CFAP58: variants seen among roughly 807,000 people sequenced by gnomAD.
CFAP58 encodes the protein cilia- and flagella-associated protein 58.
A neutral mutation model predicts 119.5 loss-of-function variants in CFAP58; 88 were observed. That is an observed-to-expected ratio of 0.74 (90% CI 0.62 to 0.88). The LOEUF (loss-of-function observed/expected upper bound fraction) is 0.88, where lower values mean the gene tolerates loss of function less well. CFAP58 is among the 40% of genes least tolerant of loss of function. The pLI is 0.00. For missense variants in CFAP58, 990 were observed against 1,021.2 expected (o/e 0.97, Z 0.42); for synonymous variants, 365 against 366.3 (o/e 1.00, Z 0.04).
In CFAP58 at chr10:104,396,369, TGAGAGAGAGAGAGAGAGAGA is replaced by T. The variant is rs57210958; in HGVS notation, c.1675-2940_1675-2921del. On this transcript the variant is annotated intron_variant, in intron 11 of 17. Coordinates refer to ENST00000369704, the MANE Select transcript of CFAP58 (RefSeq NM_001008723.2). Reference sequence around the variant, plus strand: ...GCCATGGATAGGGAGCTGTTATCCATGAGAGAGAGAGAGAGAGAGAGAGAGAGAGAGAGAGAGAGAGAGAG... The same window carrying T: ...GCCATGGATAGGGAGCTGTTATCCATGAGAGAGAGAGAGAGAGAGAGAGAG... Among the ~76,000 whole-genome samples the T allele has an allele frequency of 4.4e-3, 384 of 86,834 alleles. 2 individuals carry two copies. Among genetic ancestry groups the T allele is most frequent in the South Asian group, 0.011 (24 of 2,126 alleles). 57.0% of individuals were successfully genotyped at this position (86,834 alleles called of 152,430 possible). A position where few individuals can be genotyped will look rare whatever the true frequency, so the allele number is the denominator to read the frequency against.
chr10:104,408,683 C>T (rs1006296986), intron 15 of CFAP58, among the ~76,000 whole-genome samples: 12 of 152,130 alleles, frequency 7.9e-5, no homozygotes, highest in African/African-American at 1.9e-4. Context: ...TTTATTATTT[C>T]CTTCCCTCTA....
At chr10:104,432,368 T>C (rs746225636) in intron 15 of CFAP58, among the ~76,000 whole-genome samples, 54 of 152,310 alleles carry the variant, frequency 3.5e-4, no homozygotes, top group Admixed American at 8.5e-4. Context: ...GTAGTGAACA[T>C]GTGAAAATAA....
In CFAP58 at chr10:104,399,370, A is replaced by G. The variant is rs1414045434; in HGVS notation, c.1685A>G (p.Gln562Arg). The G allele has an allele frequency of 1.2e-6, 2 of 1,613,808 alleles. No individual in the cohort carries two copies. Among genetic ancestry groups the G allele is most frequent in the Non-Finnish European group, 1.7e-6 (2 of 1,179,802 alleles). ...TCCACTCTTTGTCAGGCTGAGCTGC[A>G]GAAGCTGAGACAACAAGCCCTGGAG... Reference protein sequence around the residue: ...KEKETLKAELQKLRQQALETK... With the variant: ...KEKETLKAELRKLRQQALETK... The change falls in exon 12 of 18, where the codon CAG becomes CGG. Residue 562 changes from glutamine (Q) to arginine (R), a missense_variant. Transcript: ENST00000369704.
chr10:104,443,754 G>A (rs185206591), intron 15 of CFAP58, among the ~76,000 whole-genome samples: 7 of 152,266 alleles, frequency 4.6e-5, no homozygotes, highest in African/African-American at 1.7e-4. Context: ...TGTACCTGGA[G>A]TAGCACTGAC....
chr10:104,449,161 G>GT (rs35684849), intron 16 of CFAP58, among the ~76,000 whole-genome samples: 6,241 of 142,116 alleles, frequency 0.044, 376 homozygotes, highest in African/African-American at 0.13. Flanking sequence ...ACTGAGACAG[G>GT]TTTTTTTTTT....
At chr10:104,439,176 G>A (rs577862665) in intron 15 of CFAP58, among the ~76,000 whole-genome samples, 1 of 152,292 alleles carries the variant, frequency 6.6e-6, no homozygotes, top group South Asian at 2.1e-4. Flanking sequence ...GTTGGGGAAG[G>A]GAGTACGCAG....
rs75606581 is a variant in CFAP58 at position 104,420,692 on chromosome 10, G to T, written c.2256+13899G>T. 7.2e-3 allele frequency among the ~76,000 whole-genome samples: 1,083 copies of T among 151,236 alleles called. 14 individuals carry two copies. Among genetic ancestry groups the T allele is most frequent in the African/African-American group, 0.024 (991 of 41,216 alleles). The stretch of plus-strand genomic sequence containing the variant: ...GGTTTTCAAAAGGGGTATCTTGATT[G>T]ACTTCTTTCTCTACCCTTCCATTTT... On this transcript the variant is annotated intron_variant, in intron 15 of 17. Coordinates refer to ENST00000369704, the MANE Select transcript of CFAP58 (RefSeq NM_001008723.2).
chr10:104,382,636 G>A (rs2011836933), intron 9 of CFAP58, among the ~76,000 whole-genome samples: 2 of 152,214 alleles, frequency 1.3e-5, no homozygotes, highest in Non-Finnish European at 2.9e-5. Flanking sequence ...GGAGGGAGGT[G>A]ATTGGATCAT....
At chr10:104,441,447 G>A (rs370574315) in intron 15 of CFAP58, among the ~76,000 whole-genome samples, 3 of 152,168 alleles carry the variant, frequency 2.0e-5, no homozygotes, top group South Asian at 2.1e-4. Context: ...TTTAATATGT[G>A]CAAATTCTTC....
Position 104,365,806 on chromosome 10 carries a change from A to G in CFAP58, c.598-8A>G. On this transcript the variant is annotated splice_region_variant and splice_polypyrimidine_tract_variant and intron_variant, in intron 4 of 17. Coordinates refer to ENST00000369704, the MANE Select transcript of CFAP58 (RefSeq NM_001008723.2). The stretch of plus-strand genomic sequence containing the variant: ...CTCTTTCTCTCTTGTCCTTTCCGCA[A>G]CCTCTAGTTCCAACAAGAAATCCAG... The G allele has an allele frequency of 6.2e-7, 1 of 1,601,566 alleles. No individual in the cohort carries two copies. Among genetic ancestry groups the G allele is most frequent in the Non-Finnish European group, 8.5e-7 (1 of 1,175,480 alleles).
At chr10:104,398,308 TAGA>T (rs1041383148) in intron 11 of CFAP58, among the ~76,000 whole-genome samples, 6 of 152,226 alleles carry the variant, frequency 3.9e-5, no homozygotes, top group African/African-American at 1.4e-4. Context: ...GTGGTGACAA[TAGA>T]AGGAGCACAG....
rs148529600 is a variant in CFAP58 at position 104,401,456 on chromosome 10, G to A, written c.2039+553G>A. Among the ~76,000 whole-genome samples the A allele has an allele frequency of 5.9e-3, 904 of 152,246 alleles. 7 individuals carry two copies. Among genetic ancestry groups the A allele is most frequent in the South Asian group, 0.031 (149 of 4,820 alleles). On this transcript the variant is annotated intron_variant, in intron 13 of 17. Coordinates refer to ENST00000369704, the MANE Select transcript of CFAP58 (RefSeq NM_001008723.2). The stretch of plus-strand genomic sequence containing the variant: ...TGCAGCTTTCACTTTAGCTTAGTGC[G>A]CCTTCTTCTTTCTTTAAATCTTGCA...
chr10:104,395,721 A>G (rs914661379), intron 11 of CFAP58, among the ~76,000 whole-genome samples: 4 of 152,182 alleles, frequency 2.6e-5, no homozygotes, highest in African/African-American at 9.6e-5. Context: ...CCCTGAGGGA[A>G]AGGGCAGATT....
chr10:104,436,319 T>A (rs970754399), intron 15 of CFAP58, among the ~76,000 whole-genome samples: 1 of 152,212 alleles, frequency 6.6e-6, no homozygotes, highest in African/African-American at 2.4e-5. Flanking sequence ...CAATAATCTG[T>A]TATACACCAA....
At chr10:104,421,305 C>G (rs1009426205) in intron 15 of CFAP58, among the ~76,000 whole-genome samples, 1 of 152,062 alleles carries the variant, frequency 6.6e-6, no homozygotes, top group African/African-American at 2.4e-5. Flanking sequence ...CTCCTTTTCC[C>G]TTCCACCTCT....
intron 9 of CFAP58, among the ~76,000 whole-genome samples, chr10:104,388,874 C>T (rs1390001157): frequency 6.6e-6 from 1 of 152,206 alleles, no homozygotes; most frequent in Non-Finnish European, 1.5e-5. Flanking sequence ...CTGTCGTGCA[C>T]TGTAAGCATT....
chr10:104,370,830 C>A, intron 6 of CFAP58, 65 bp from the exon 7 acceptor site: 1 of 1,434,000 alleles, frequency 7.0e-7, no homozygotes, highest in Non-Finnish European at 9.5e-7. Flanking sequence ...TCTGAGTTTA[C>A]CATCATCCAG....
At chr10:104,445,329 A>AC (rs1420254597) in intron 15 of CFAP58, among the ~76,000 whole-genome samples, 2 of 151,764 alleles carry the variant, frequency 1.3e-5, no homozygotes, top group Non-Finnish European at 2.9e-5. Context: ...TCTCAAAAAA[A>AC]AAAAAAACAA....
chr10:104,370,778 A>AACAACTTTAAAATGCC (rs1257411521), intron 6 of CFAP58, 117 bp from the exon 7 acceptor site: 6 of 926,206 alleles, frequency 6.5e-6, no homozygotes, highest in Non-Finnish European at 9.3e-6. Context: ...AATCTCACAG[A>AACAACTTTAAAATGCC]ACAACTTTAA....
Sources: gnomAD v4.1 joint callset for allele counts (sites outside exome capture counted in the v4.1 genomes callset) on GRCh38, gnomAD v4.1.1 for gene constraint, MANE v1.5 for transcripts, NCBI Gene and HGNC (gene_info 2026-07-23, HGNC 2026-07-21) for gene names.